Variants in MTOR observed in about 807,000 individuals in gnomAD.
MTOR encodes serine/threonine-protein kinase mTOR.
A neutral mutation model predicts 319.8 loss-of-function variants in MTOR; 70 were observed. The ratio of observed to expected loss-of-function variants is 0.22; its 90% CI spans 0.18 to 0.27. The LOEUF is 0.27. Among genes scored for constraint, MTOR ranks in the 10% least tolerant of loss-of-function variants. MTOR has a pLI of 1.00. For synonymous variants in MTOR, 1,183 were observed against 1,211.4 expected (o/e 0.98, Z 0.49); for missense variants, 1,890 against 3,274.4 (o/e 0.58, Z 10.32).
chr1:11,141,194 C>T (rs1401224485), intron 34 of MTOR, among the ~76,000 whole-genome samples: 1 of 152,146 alleles, frequency 6.6e-6, no homozygotes, highest in Admixed American at 6.5e-5. Flanking sequence ...TGGCTCACTG[C>T]AGCCTCAACC....
Position 11,255,804 on chromosome 1 carries a change from G to A in MTOR, c.705+188C>T, listed in dbSNP as rs192751903. Among the ~76,000 whole-genome samples, 4 of 139,428 alleles carry A rather than the reference G, an allele frequency of 2.9e-5. No homozygotes were observed. The East Asian group carries it at 6.5e-4, about 23-fold the overall frequency. The allele number at this position is 139,428 out of a possible 152,430, so 91.5% of individuals were successfully genotyped here. A position where few individuals can be genotyped will look rare whatever the true frequency, so the allele number is the denominator to read the frequency against. On this transcript the variant is annotated intron_variant, in intron 5 of 57. Transcript: ENST00000361445. The stretch of plus-strand genomic sequence containing the variant: ...GGAGGTTGCAGTGAGCCGAGATTGC[G>A]CCACTGCACTCCAGCCTGGGCGACA...
At chr1:11,157,002 A>C in intron 30 of MTOR, 150 bp downstream of exon 30, 1 of 1,086,670 alleles carries the variant, frequency 9.2e-7, no homozygotes, top group Non-Finnish European at 1.3e-6. Flanking sequence ...AAAAACACCA[A>C]AAGTGAAAGA....
At chr1:11,240,786 A>G (rs1647901228) in intron 10 of MTOR, among the ~76,000 whole-genome samples, 1 of 152,248 alleles carries the variant, frequency 6.6e-6, no homozygotes, top group South Asian at 2.1e-4. Context: ...CAGCCACTAC[A>G]GAAGACCAAG....
intron 31 of MTOR, among the ~76,000 whole-genome samples, chr1:11,147,880 C>T (rs1395287154): frequency 6.6e-6 from 1 of 152,098 alleles, no homozygotes; most frequent in Non-Finnish European, 1.5e-5. Context: ...GACATGTCTG[C>T]AGGGATTGAA....
At chr1:11,234,991 A>C (rs1419868223) in intron 13 of MTOR, among the ~76,000 whole-genome samples, 1 of 152,238 alleles carries the variant, frequency 6.6e-6, no homozygotes, top group East Asian at 1.9e-4. Flanking sequence ...AGCTCAGGTT[A>C]ACTCAGCTAC....
intron 6 of MTOR, 80 bp downstream of exon 6, chr1:11,253,759 T>C: frequency 4.0e-6 from 6 of 1,505,530 alleles, no homozygotes; most frequent in East Asian, 4.5e-5. Flanking sequence ...GTCAGCTCCA[T>C]GAGGACATGG....
At chr1:11,262,150 G>A (rs1352184720) in intron 1 of MTOR, among the ~76,000 whole-genome samples, 2 of 152,186 alleles carry the variant, frequency 1.3e-5, no homozygotes, top group Non-Finnish European at 2.9e-5. Flanking sequence ...TCAAAAGAAA[G>A]GGTGGCTGTG....
intron 28 of MTOR, chr1:11,195,996 A>G (rs1290005962): frequency 1.3e-5 from 2 of 152,190 alleles, no homozygotes; most frequent in African/African-American, 4.8e-5. Context: ...CTTCTTTTTA[A>G]ATTCTTACCA....
rs1267637302 is a variant in MTOR, at chr1:11,199,613, G to A, written c.4035C>T (p.Leu1345=). The part of the protein sequence containing the change: ...DELIRSIELA[L]TSQDIAEVTQ... The stretch of plus-strand genomic sequence containing the variant: ...TGACTTCAGCGATGTCTTGTGAGGT[G>A]AGGGCCAACTCGATGCTTCTGATGA... The change falls in exon 27 of 58, where the codon CTC becomes CTT. Residue 1345 remains leucine (L), a synonymous_variant. Coordinates refer to ENST00000361445, the MANE Select transcript of MTOR (RefSeq NM_004958.4). This position sits in a 1 kb window ranked among gnomAD's most constrained non-coding sequence, Gnocchi z 4.5. 1 of 1,614,172 alleles carries A rather than the reference G, an allele frequency of 6.2e-7. No individual in the cohort carries two copies. Among genetic ancestry groups the A allele is most frequent in the Non-Finnish European group, 8.5e-7 (1 of 1,180,016 alleles).
intron 50 of MTOR, among the ~76,000 whole-genome samples, chr1:11,116,102 T>C (rs1642151953): frequency 6.6e-6 from 1 of 152,212 alleles, no homozygotes; most frequent in South Asian, 2.1e-4. Flanking sequence ...ACAGTAGACA[T>C]CAGAGAACCA....
At chr1:11,260,186 G>C (rs1650935366) in intron 1 of MTOR, among the ~76,000 whole-genome samples, 1 of 152,078 alleles carries the variant, frequency 6.6e-6, no homozygotes, top group Non-Finnish European at 1.5e-5. Flanking sequence ...AAATGACTAA[G>C]ACTGCCCCTT....
chr1:11,118,972 A>T lies in MTOR; in HGVS notation c.6934-1886T>A, dbSNP rs550981144. ...GCAACAGCCTTGAACTCCTGGGCTCAAGCAATCCTCCTGCCTCAGCCTCCC... is the reference window on the plus strand; with the variant it reads ...GCAACAGCCTTGAACTCCTGGGCTCTAGCAATCCTCCTGCCTCAGCCTCCC... On this transcript the variant is annotated intron_variant, in intron 49 of 57. Transcript: ENST00000361445. 3.4e-4 allele frequency among the ~76,000 whole-genome samples: 52 copies of T among 152,186 alleles called. 1 individual carries two copies. Among genetic ancestry groups the T allele is most frequent in the African/African-American group, 1.2e-3 (51 of 41,540 alleles).
Position 11,234,213 on chromosome 1 carries a change from G to A in MTOR, c.2261C>T (p.Ala754Val), listed in dbSNP as rs1647118631. 1.2e-6 allele frequency: 2 copies of A among 1,614,096 alleles called. No homozygotes were observed. The highest frequency in any genetic ancestry group is 1.7e-6 in the Non-Finnish European group (2 of 1,180,002). The change falls in exon 14 of 58, where the codon GCC becomes GTC. Residue 754 changes from alanine (A) to valine (V), a missense_variant. By Grantham distance (64) the Ala-to-Val change is moderately conservative. This residue lies in a region of MTOR where 377 missense variants were observed against 653.9 expected (regional missense o/e 0.58). Coordinates refer to ENST00000361445, the MANE Select transcript of MTOR (RefSeq NM_004958.4). ...GGAGACCAGGTGCCCCAGCATGCGG[G>A]CACTCTGCTCTTTGATTCTTCCAAT... ...SGIGRIKEQS[A>V]RMLGHLVSNA...
At chr1:11,183,947 A>C (rs922804361) in intron 28 of MTOR, among the ~76,000 whole-genome samples, 1 of 152,214 alleles carries the variant, frequency 6.6e-6, no homozygotes, top group African/African-American at 2.4e-5. Flanking sequence ...AAAGGAATAA[A>C]TACATAAATA....
At chr1:11,184,992 G>A (rs969333103) in intron 28 of MTOR, among the ~76,000 whole-genome samples, 7 of 152,176 alleles carry the variant, frequency 4.6e-5, no homozygotes, top group Non-Finnish European at 7.3e-5. Context: ...ACTAGTCCAA[G>A]TCTTTCACAT....
chr1:11,133,221 C>A lies in MTOR; in HGVS notation c.5247-24G>T. 6.2e-7 allele frequency: 1 copy of A among 1,601,282 alleles called. No homozygotes were observed. Among genetic ancestry groups the A allele is most frequent in the South Asian group, 1.1e-5 (1 of 90,794 alleles). ...ATCTGGAAGCAGAGAAACAAGCCCC[C>A]ATGACATTCCCTCCTCAAAACAGCC... is the stretch of plus-strand genomic sequence containing the variant. On this transcript the variant is annotated intron_variant, in intron 37 of 57. Coordinates refer to ENST00000361445, the MANE Select transcript of MTOR (RefSeq NM_004958.4). This position sits in a 1 kb window ranked among gnomAD's most constrained non-coding sequence, Gnocchi z 4.0.
intron 8 of MTOR, among the ~76,000 whole-genome samples, chr1:11,245,612 T>C: frequency 6.6e-6 from 1 of 152,112 alleles, no homozygotes; most frequent in East Asian, 1.9e-4. Flanking sequence ...AGAGCATAAT[T>C]TCCTGGCAAG....
intron 49 of MTOR, among the ~76,000 whole-genome samples, chr1:11,117,941 G>A (rs1478622891): frequency 2.6e-5 from 4 of 151,966 alleles, no homozygotes; most frequent in African/African-American, 9.7e-5. Flanking sequence ...TTAGCCGGGT[G>A]TGGTGGTGCG....
intron 46 of MTOR, among the ~76,000 whole-genome samples, chr1:11,126,382 T>G (rs1469047107): frequency 1.3e-5 from 2 of 152,222 alleles, no homozygotes; most frequent in African/African-American, 4.8e-5. Context: ...CTTGCATGCC[T>G]TTGTCATTCC....
Sources: gnomAD v4.1 joint callset for allele counts (sites outside exome capture counted in the v4.1 genomes callset) on GRCh38, gnomAD v4.1.1 for gene constraint, gnomAD v4.1.1 regional missense constraint, Gnocchi (gnomAD v3.1) non-coding constraint, MANE v1.5 for transcripts, NCBI Gene and HGNC (gene_info 2026-07-23, HGNC 2026-07-21) for gene names.